Variants in PKIB observed in about 807,000 individuals in gnomAD.
The protein encoded by PKIB is cAMP-dependent protein kinase inhibitor beta.
PKIB carries 2 observed loss-of-function variants against 4.5 expected under a neutral mutation model. The observed-to-expected ratio is 0.44, with a 90% CI of 0.18 to 1.39. The LOEUF (loss-of-function observed/expected upper bound fraction) is 1.39. Ranked by LOEUF, PKIB falls within the 40% of genes most tolerant of loss-of-function variation. The pLI, the probability that PKIB is intolerant of heterozygous loss-of-function variation, is 0.27. For synonymous variants in PKIB, 38 were observed against 36.0 expected (o/e 1.06, Z -0.20); for missense variants, 94 against 92.6 (o/e 1.02, Z -0.06).
At chr6:122,672,602 C>G (rs1481862498) in intron 2 of PKIB, among the ~76,000 whole-genome samples, 1 of 152,026 alleles carries the variant, frequency 6.6e-6, no homozygotes, top group Non-Finnish European at 1.5e-5. Flanking sequence ...AAGAATCAGA[C>G]CTCGTGTGGT....
intron 3 of PKIB, among the ~76,000 whole-genome samples, chr6:122,698,076 C>T (rs1423293004): frequency 1.3e-5 from 2 of 152,074 alleles, no homozygotes; most frequent in Non-Finnish European, 2.9e-5. Flanking sequence ...GCCAATTGTG[C>T]TGACCCTTGG....
At chr6:122,534,635 A>C (rs1777352026) in intron 2 of PKIB, among the ~76,000 whole-genome samples, 1 of 152,082 alleles carries the variant, frequency 6.6e-6, no homozygotes, top group African/African-American at 2.4e-5. Flanking sequence ...CTACCAGCCA[A>C]ATACAATACT....
intron 2 of PKIB, among the ~76,000 whole-genome samples, chr6:122,504,526 T>C (rs966046701): frequency 6.6e-6 from 1 of 152,226 alleles, no homozygotes; most frequent in Non-Finnish European, 1.5e-5. Flanking sequence ...GAACTTGATG[T>C]CAGTCTCTCT....
intron 1 of PKIB, among the ~76,000 whole-genome samples, chr6:122,620,035 T>C (rs1775160529): frequency 6.6e-6 from 1 of 152,184 alleles, no homozygotes; most frequent in South Asian, 2.1e-4. Context: ...TTTTATAATC[T>C]CAGAGTAGTA....
intron 2 of PKIB, among the ~76,000 whole-genome samples, chr6:122,544,153 CA>C (rs1453547556): frequency 6.6e-6 from 1 of 151,568 alleles, no homozygotes; most frequent in African/African-American, 2.4e-5. Context: ...CTTTAAAATA[CA>C]AAGAAAATTT....
chr6:122,626,939 G>A (rs766411562), intron 1 of PKIB, among the ~76,000 whole-genome samples: 1 of 151,904 alleles, frequency 6.6e-6, no homozygotes, highest in African/African-American at 2.4e-5. Context: ...TAAACTCTGA[G>A]TAACAATCAT....
intron 2 of PKIB, among the ~76,000 whole-genome samples, chr6:122,643,236 G>A (rs1349727564): frequency 6.6e-6 from 1 of 152,062 alleles, no homozygotes; most frequent in South Asian, 2.1e-4. Flanking sequence ...CCATGCAATT[G>A]TTTGATTTTG....
chr6:122,604,265 T>C (rs1479857665), intron 3 of PKIB, among the ~76,000 whole-genome samples: 3 of 152,192 alleles, frequency 2.0e-5, no homozygotes, highest in Admixed American at 1.3e-4. Flanking sequence ...GAGAATAATA[T>C]TTTTCTTTTA....
At chr6:122,538,625 T>C (rs1212672119) in intron 2 of PKIB, among the ~76,000 whole-genome samples, 1 of 152,124 alleles carries the variant, frequency 6.6e-6, no homozygotes, top group Non-Finnish European at 1.5e-5. Context: ...TGCCTCCGGC[T>C]TTGTTCTTTT....
chr6:122,513,288 A>G (rs747835682), intron 2 of PKIB, among the ~76,000 whole-genome samples: 1 of 152,158 alleles, frequency 6.6e-6, no homozygotes, highest in African/African-American at 2.4e-5. Flanking sequence ...AGCAGAATTG[A>G]CAGTACACCA....
upstream of PKIB, among the ~76,000 whole-genome samples, chr6:122,608,925 TA>T (rs1774635665): frequency 6.6e-6 from 1 of 152,074 alleles, no homozygotes; most frequent in Non-Finnish European, 1.5e-5. Flanking sequence ...ACCTCTAAAA[TA>T]AATAAACCTT....
At chr6:122,581,206 T>C (rs1488322859) in intron 2 of PKIB, among the ~76,000 whole-genome samples, 1 of 152,196 alleles carries the variant, frequency 6.6e-6, no homozygotes, top group Admixed American at 6.5e-5. Context: ...ATCATCATTT[T>C]TCTACATAGA....
intron 3 of PKIB, among the ~76,000 whole-genome samples, chr6:122,596,422 A>C (rs1249508308): frequency 6.6e-6 from 1 of 152,202 alleles, no homozygotes; most frequent in Non-Finnish European, 1.5e-5. Flanking sequence ...TTGTGCCTTC[A>C]GGACCTGCCC....
chr6:122,645,337 C>T (rs956048093), intron 2 of PKIB, among the ~76,000 whole-genome samples: 3 of 152,074 alleles, frequency 2.0e-5, no homozygotes, highest in Non-Finnish European at 4.4e-5. Flanking sequence ...GGCATGGTCT[C>T]CAGTGTGAAA....
intron 2 of PKIB, among the ~76,000 whole-genome samples, chr6:122,562,099 G>T (rs1773054019): frequency 7.0e-6 from 1 of 143,112 alleles, no homozygotes; most frequent in Non-Finnish European, 1.5e-5. Flanking sequence ...GTGTTCCCAG[G>T]ATTAGTTTCA....
At chr6:122,625,928 G>T (rs1775424336) in intron 1 of PKIB, among the ~76,000 whole-genome samples, 1 of 152,114 alleles carries the variant, frequency 6.6e-6, no homozygotes, top group South Asian at 2.1e-4. Context: ...AATTAGTCAG[G>T]TGTTGTGGCA....
intron 2 of PKIB, among the ~76,000 whole-genome samples, chr6:122,673,723 C>T (rs1400631770): frequency 1.3e-5 from 2 of 152,194 alleles, no homozygotes. Flanking sequence ...TATTGCACTC[C>T]TCCTACCATC....
At position 122,725,198 on chromosome 6, in the gene PKIB, G is replaced by T; in HGVS notation, c.*3G>T. 1.3e-6 allele frequency: 2 copies of T among 1,538,210 alleles called. No individual in the cohort carries two copies. Among genetic ancestry groups the T allele is most frequent in the African/African-American group, 1.4e-5 (1 of 73,242 alleles). On this transcript the variant is annotated 3_prime_UTR_variant, in exon 5 of 5. Coordinates refer to ENST00000368452, the MANE Select transcript of PKIB (RefSeq NM_181795.3). ...AGCCTCAAAATGAAGAAAAATGAAGGCTCATAATCTATCAAGAGTGCTGAA... is the reference window on the plus strand; with the variant it reads ...AGCCTCAAAATGAAGAAAAATGAAGTCTCATAATCTATCAAGAGTGCTGAA...
chr6:122,583,828 T>C (rs1347411377), intron 2 of PKIB, among the ~76,000 whole-genome samples: 1 of 152,104 alleles, frequency 6.6e-6, no homozygotes, highest in African/African-American at 2.4e-5. Context: ...CCTCTGAGAC[T>C]AGTGAGAATA....
Sources: allele counts gnomAD v4.1 joint callset (sites outside exome capture counted in the v4.1 genomes callset), GRCh38; gene constraint gnomAD v4.1.1; transcripts MANE v1.5; gene names NCBI Gene and HGNC (gene_info 2026-07-23, HGNC 2026-07-21).